The following SRBD1 variants were observed in gnomAD, a reference collection of about 807,000 sequenced individuals.
The protein encoded by SRBD1 is S1 RNA binding domain 1.
In SRBD1, 88 loss-of-function variants were observed where a neutral mutation model predicts 115.3. That is an observed-to-expected ratio of 0.76 (90% CI 0.64 to 0.91). The LOEUF is 0.91. Ranked by LOEUF, SRBD1 falls within the 40% of genes least tolerant of loss-of-function variation. The pLI is 0.00. For missense variants in SRBD1, 1,385 were observed against 1,177.4 expected (o/e 1.18, Z -2.58); for synonymous variants, 509 against 407.7 (o/e 1.25, Z -2.99).
intron 16 of SRBD1, among the ~76,000 whole-genome samples, chr2:45,442,089 G>T (rs1296079133): frequency 6.6e-6 from 1 of 152,120 alleles, no homozygotes; most frequent in Admixed American, 6.5e-5. Context: ...ACAGCATCTT[G>T]TCATACAATA....
chr2:45,540,571 T>TA (rs1284904663), intron 14 of SRBD1, among the ~76,000 whole-genome samples: 3 of 151,796 alleles, frequency 2.0e-5, no homozygotes, highest in Non-Finnish European at 2.9e-5. Flanking sequence ...AGATCCTGTT[T>TA]AAAAAAAAGT....
At chr2:45,576,679 T>C (rs1473500469) in intron 7 of SRBD1, among the ~76,000 whole-genome samples, 1 of 152,194 alleles carries the variant, frequency 6.6e-6, no homozygotes, top group Non-Finnish European at 1.5e-5. Flanking sequence ...TTCTGTTAGC[T>C]CTCTCAGTCT....
At position 45,573,315 on chromosome 2, in the gene SRBD1, C is replaced by G. The variant is rs202086851; in HGVS notation, c.1197G>C (p.Gln399His). 2 of 1,611,230 alleles carry G rather than the reference C, an allele frequency of 1.2e-6. No individual in the cohort carries two copies. Among genetic ancestry groups the G allele is most frequent in the South Asian group, 2.2e-5 (2 of 90,610 alleles). Reference protein sequence around the residue: ...NLCQKRHVCIQSSLAKVSSKK... With the variant: ...NLCQKRHVCIHSSLAKVSSKK... Reference sequence around the variant, plus strand: ...TTGAGGATACTTTTGCCAGAGATGACTGGATACAAACATGTCTCTTCTGGC... The same window carrying G: ...TTGAGGATACTTTTGCCAGAGATGAGTGGATACAAACATGTCTCTTCTGGC... The change falls in exon 9 of 21, where the codon CAG becomes CAC. Residue 399 changes from glutamine (Q) to histidine (H), a missense_variant. Physicochemically the swap from Gln to His is conservative, Grantham distance 24. Coordinates refer to ENST00000263736, the MANE Select transcript of SRBD1 (RefSeq NM_018079.5).
At chr2:45,606,506 T>C (rs965005265) in intron 1 of SRBD1, among the ~76,000 whole-genome samples, 5 of 152,202 alleles carry the variant, frequency 3.3e-5, no homozygotes, top group African/African-American at 7.2e-5. Flanking sequence ...CTCTACAAAG[T>C]TGGCAATGAA....
intron 19 of SRBD1, among the ~76,000 whole-genome samples, chr2:45,399,444 G>A (rs773321585): frequency 7.2e-5 from 11 of 151,998 alleles, no homozygotes; most frequent in East Asian, 5.8e-4. Flanking sequence ...TTGAAAGTGC[G>A]CAGTACAGAT....
chr2:45,428,361 TA>T lies in SRBD1; in HGVS notation c.2050-8468del, dbSNP rs574858684. ...GTCAGGAGATCCAGACCACCCTGGC[TA>T]ACACAGTGAAACCCTGTCTCTACTA... On this transcript the variant is annotated intron_variant, in intron 16 of 20. Coordinates refer to ENST00000263736, the MANE Select transcript of SRBD1 (RefSeq NM_018079.5). Among the ~76,000 whole-genome samples the T allele has an allele frequency of 4.6e-3, 700 of 152,132 alleles. 2 individuals carry two copies. Among genetic ancestry groups the T allele is most frequent in the Non-Finnish European group, 7.1e-3 (483 of 67,974 alleles).
chr2:45,585,504 A>G lies in SRBD1; in HGVS notation c.815+104T>C, dbSNP rs990799371. 4.7e-6 allele frequency: 6 copies of G among 1,281,318 alleles called. No individual in the cohort carries two copies. The African/African-American group carries it at 9.0e-5, about 19-fold the overall frequency. 79.4% of individuals were successfully genotyped at this position (1,281,318 alleles called of 1,614,324 possible). A position where few individuals can be genotyped will look rare whatever the true frequency, so the allele number is the denominator to read the frequency against. ...ATATCCAGATTACAATAATTCAAGG[A>G]AACAAAATGTTGAAATTGTCAAATA... On this transcript the variant is annotated intron_variant, in intron 5 of 20. Coordinates refer to ENST00000263736, the MANE Select transcript of SRBD1 (RefSeq NM_018079.5).
At chr2:45,478,745 T>C (rs1266542667) in intron 15 of SRBD1, among the ~76,000 whole-genome samples, 3 of 152,162 alleles carry the variant, frequency 2.0e-5, no homozygotes, top group Non-Finnish European at 4.4e-5. Flanking sequence ...TCAACACATA[T>C]ACATTGCCAA....
chr2:45,489,656 A>C (rs972356369), intron 14 of SRBD1, among the ~76,000 whole-genome samples: 1 of 152,132 alleles, frequency 6.6e-6, no homozygotes, highest in Non-Finnish European at 1.5e-5. Context: ...TACACAAAGC[A>C]AAAAAACACT....
rs1284509824 is a variant in SRBD1 at position 45,577,890 on chromosome 2, AAAAG to A, written c.1072+1981_1072+1984del. On this transcript the variant is annotated intron_variant, in intron 7 of 20. Coordinates refer to ENST00000263736, the MANE Select transcript of SRBD1 (RefSeq NM_018079.5). ...ATAATTCTACATTTTTGATCAGGGT[AAAAG>A]AAAGAGGGAGTAAAGCAAACAAAAG... 2.0e-5 allele frequency among the ~76,000 whole-genome samples: 3 copies of A among 152,286 alleles called. No individual in the cohort carries two copies. In the East Asian group the frequency reaches 5.8e-4, roughly 29 times the overall value.
intron 9 of SRBD1, among the ~76,000 whole-genome samples, chr2:45,563,934 T>A (rs1672747527): frequency 6.6e-6 from 1 of 152,090 alleles, no homozygotes; most frequent in Non-Finnish European, 1.5e-5. Context: ...AGGAAAAACT[T>A]CACATATATT....
intron 16 of SRBD1, among the ~76,000 whole-genome samples, chr2:45,426,639 G>C (rs1007806540): frequency 6.6e-6 from 1 of 152,184 alleles, no homozygotes; most frequent in Non-Finnish European, 1.5e-5. Context: ...CTAGGACAAA[G>C]CTTCCAGAGG....
chr2:45,512,585 G>C (rs1287073624), intron 14 of SRBD1, among the ~76,000 whole-genome samples: 1 of 152,106 alleles, frequency 6.6e-6, no homozygotes, highest in Non-Finnish European at 1.5e-5. Context: ...AACCAACTAG[G>C]GCTTTGAACA....
At chr2:45,581,094 A>G (rs1673348098) in intron 6 of SRBD1, among the ~76,000 whole-genome samples, 1 of 152,038 alleles carries the variant, frequency 6.6e-6, no homozygotes, top group Non-Finnish European at 1.5e-5. Context: ...TCTCCTAATT[A>G]CCAAATATAT....
chr2:45,433,664 C>T (rs528786479), intron 16 of SRBD1, among the ~76,000 whole-genome samples: 4 of 152,098 alleles, frequency 2.6e-5, no homozygotes, highest in East Asian at 1.9e-4. Context: ...TAATCAAATC[C>T]GGTAAACAAG....
chr2:45,554,322 C>A (rs1384524200), intron 10 of SRBD1, among the ~76,000 whole-genome samples: 3 of 152,224 alleles, frequency 2.0e-5, no homozygotes, highest in African/African-American at 7.2e-5. Flanking sequence ...GACTTCTCAG[C>A]CTCCAGAACT....
At chr2:45,551,918 A>T (rs1672313573) in intron 11 of SRBD1, among the ~76,000 whole-genome samples, 1 of 152,198 alleles carries the variant, frequency 6.6e-6, no homozygotes. Context: ...AAAAGACAAG[A>T]CAGAAGACCA....
chr2:45,545,859 T>C (rs905348081), intron 14 of SRBD1, among the ~76,000 whole-genome samples: 7 of 152,232 alleles, frequency 4.6e-5, no homozygotes, highest in Admixed American at 2.6e-4. Context: ...GCCTGGCCTT[T>C]ACCTTTTGGC....
chr2:45,571,390 A>C (rs1248900567), intron 9 of SRBD1, among the ~76,000 whole-genome samples: 6 of 143,558 alleles, frequency 4.2e-5, no homozygotes, highest in Non-Finnish European at 7.4e-5. Context: ...CAAAATTTAC[A>C]AAAATACTTA....
Sources: gnomAD v4.1 joint callset for allele counts (sites outside exome capture counted in the v4.1 genomes callset) on GRCh38, gnomAD v4.1.1 for gene constraint, MANE v1.5 for transcripts, NCBI Gene and HGNC (gene_info 2026-07-23, HGNC 2026-07-21) for gene names.